Variants in MTAP observed in about 807,000 individuals in gnomAD.
MTAP encodes S-methyl-5'-thioadenosine phosphorylase.
MTAP carries 33 observed loss-of-function variants against 33.6 expected under a neutral mutation model. The ratio of observed to expected loss-of-function variants is 0.98; its 90% CI spans 0.74 to 1.31. The LOEUF (loss-of-function observed/expected upper bound fraction) is 1.31. MTAP is among the 40% of genes most tolerant of loss of function. MTAP has a pLI of 0.00. For missense variants in MTAP, 367 were observed against 360.0 expected, an observed-to-expected ratio of 1.02 and a Z score of -0.16; for synonymous variants, 148 against 125.7, an observed-to-expected ratio of 1.18 and a Z score of -1.19.
chr9:21,816,366 C>T (rs1052268014), intron 2 of MTAP, among the ~76,000 whole-genome samples: 6 of 152,166 alleles, frequency 3.9e-5, no homozygotes, highest in African/African-American at 4.8e-5. Flanking sequence ...GTTATCCTTT[C>T]TGCCTTTCAC....
At chr9:21,823,856 C>T (rs199693870) in intron 4 of MTAP, among the ~76,000 whole-genome samples, 4 of 152,190 alleles carry the variant, frequency 2.6e-5, no homozygotes, top group Non-Finnish European at 5.9e-5. Flanking sequence ...TTTCATTCAT[C>T]TGATCTTCAA....
chr9:21,850,383 T>G (rs1825482584), intron 5 of MTAP, among the ~76,000 whole-genome samples: 1 of 152,184 alleles, frequency 6.6e-6, no homozygotes, highest in Non-Finnish European at 1.5e-5. Flanking sequence ...ATTCTTCATT[T>G]GAGTGTGTTA....
intron 1 of MTAP, among the ~76,000 whole-genome samples, chr9:21,804,496 G>A (rs1824154087): frequency 6.6e-6 from 1 of 152,202 alleles, no homozygotes; most frequent in South Asian, 2.1e-4. Flanking sequence ...GTCTTGGCAA[G>A]CTTCTGGATA....
chr9:21,835,054 A>G (rs1256242474), intron 4 of MTAP, among the ~76,000 whole-genome samples: 2 of 152,124 alleles, frequency 1.3e-5, no homozygotes, highest in African/African-American at 4.8e-5. Context: ...GAAGTCCAAA[A>G]AAAGTTGCCA....
intron 4 of MTAP, among the ~76,000 whole-genome samples, chr9:21,823,070 G>T (rs1214857475): frequency 6.6e-6 from 1 of 152,160 alleles, no homozygotes; most frequent in Non-Finnish European, 1.5e-5. Context: ...GATGGGTCTT[G>T]ACTCTTTATC....
At chr9:21,914,096 A>C (rs370403422) in intron 1 of MTAP, among the ~76,000 whole-genome samples, 69 of 152,334 alleles carry the variant, frequency 4.5e-4, no homozygotes, top group East Asian at 3.7e-3. Context: ...ATCTCACACC[A>C]GTTAGAATGG....
rs1824455060 is a variant in MTAP at position 21,815,601 on chromosome 9, A to AAAG, written c.120+84_120+85insGAA. 5 of 1,065,444 alleles carry AAAG rather than the reference A, an allele frequency of 4.7e-6. No individual in the cohort carries two copies. In the African/African-American group the frequency reaches 4.9e-5, roughly 10 times the overall value. 66.0% of individuals were successfully genotyped at this position (1,065,444 alleles called of 1,614,324 possible). On this transcript the variant is annotated intron_variant, in intron 2 of 7. Transcript: ENST00000644715. The stretch of plus-strand genomic sequence containing the variant: ...CTTGATTTTTGAATTAAAAAAAAAA[A>AAAG]AAAGAATTGCTTTTGTTTTGGCAGC...
At chr9:21,878,274 A>G (rs1017969337) in intron 1 of MTAP, among the ~76,000 whole-genome samples, 3 of 151,946 alleles carry the variant, frequency 2.0e-5, no homozygotes, top group Middle Eastern at 3.2e-3. Flanking sequence ...CTAGTGGTTT[A>G]TCAATCTGAG....
chr9:21,810,097 T>C (rs1824307975), intron 1 of MTAP, among the ~76,000 whole-genome samples: 1 of 152,216 alleles, frequency 6.6e-6, no homozygotes. Context: ...CTAGGCCTGC[T>C]ATAACAAAGC....
downstream of MTAP, chr9:21,932,972 G>A (rs936665558): frequency 1.3e-5 from 2 of 152,062 alleles, no homozygotes; most frequent in African/African-American, 2.4e-5. Flanking sequence ...AAAAAAAAAT[G>A]CCTTATGAAA....
chr9:21,875,643 A>G (rs536342488), intron 1 of MTAP, among the ~76,000 whole-genome samples: 33 of 152,110 alleles, frequency 2.2e-4, no homozygotes, highest in Non-Finnish European at 3.4e-4. Context: ...AACGTGTGGT[A>G]TTTGGTTTTC....
intron 1 of MTAP, chr9:21,929,856 G>T: frequency 3.8e-6 from 1 of 264,822 alleles, no homozygotes; most frequent in Non-Finnish European, 7.7e-6. Context: ...AGAAAAAGAT[G>T]GATTGGATGT....
intron 1 of MTAP, chr9:21,803,036 A>ACC (rs1554640708): frequency 2.5e-5 from 26 of 1,039,922 alleles, no homozygotes; most frequent in African/African-American, 2.4e-4. Flanking sequence ...ACACACACAC[A>ACC]CCACCTTTTG....
In MTAP at chr9:21,884,132, T is replaced by C. The variant is rs962834662; in HGVS notation, c.147+29262T>C. Among the ~76,000 whole-genome samples, 24 of 152,256 alleles carry C rather than the reference T, an allele frequency of 1.6e-4. No homozygotes were observed. The East Asian group carries it at 4.4e-3, about 28-fold the overall frequency. On this transcript the variant is annotated intron_variant, in intron 1 of 1. Transcript: ENST00000577563. Reference sequence around the variant, plus strand: ...ATGCTCACTTTAAAAGAGAAGTACTTGAGAGAATTCTATTATTAGTTGTAG... The same window carrying C: ...ATGCTCACTTTAAAAGAGAAGTACTCGAGAGAATTCTATTATTAGTTGTAG...
downstream of MTAP, among the ~76,000 whole-genome samples, chr9:21,870,390 T>A (rs1156705192): frequency 6.6e-6 from 1 of 152,238 alleles, no homozygotes; most frequent in East Asian, 1.9e-4. Flanking sequence ...ATATCCTAAA[T>A]GACCAGACTA....
At chr9:21,853,973 A>G (rs1825575198) in intron 5 of MTAP, among the ~76,000 whole-genome samples, 1 of 152,204 alleles carries the variant, frequency 6.6e-6, no homozygotes, top group African/African-American at 2.4e-5. Context: ...AACACTGGAG[A>G]AAAGGATCGA....
Position 21,862,164 on chromosome 9 carries a change from G to A in MTAP, c.*150G>A, listed in dbSNP as rs1307138688. ...TGTTGTAAGAAAGACAAGACATTGT[G>A]TGTATTAGAGACTCCTGAATGATTT... On this transcript the variant is annotated 3_prime_UTR_variant, in exon 8 of 8. Coordinates refer to ENST00000644715, the MANE Select transcript of MTAP (RefSeq NM_002451.4). The A allele has an allele frequency of 1.4e-6, 2 of 1,463,924 alleles. No homozygotes were observed. The highest frequency in any genetic ancestry group is 1.8e-6 in the Non-Finnish European group (2 of 1,109,858). 90.7% of individuals were successfully genotyped at this position (1,463,924 alleles called of 1,614,324 possible). A position where few individuals can be genotyped will look rare whatever the true frequency, so the allele number is the denominator to read the frequency against.
At chr9:21,934,997 C>T (rs929405270), downstream of MTAP, 2 of 152,116 alleles carry the variant, frequency 1.3e-5, no homozygotes, top group African/African-American at 4.8e-5. This position sits in a 1 kb window ranked among gnomAD's most constrained non-coding sequence, Gnocchi z 5.0. Flanking sequence ...CCAAGCCCGG[C>T]CTTAACTTTT....
intron 1 of MTAP, among the ~76,000 whole-genome samples, chr9:21,901,847 T>C (rs1180831898): frequency 6.6e-6 from 1 of 152,176 alleles, no homozygotes; most frequent in Non-Finnish European, 1.5e-5. Context: ...AGAAGTAAGC[T>C]AGTTTTACTG....
Sources: gnomAD v4.1 joint callset for allele counts (sites outside exome capture counted in the v4.1 genomes callset) on GRCh38, gnomAD v4.1.1 for gene constraint, Gnocchi (gnomAD v3.1) non-coding constraint, MANE v1.5 for transcripts, NCBI Gene and HGNC (gene_info 2026-07-23, HGNC 2026-07-21) for gene names.